Variants in IL1R1 observed in about 807,000 individuals in gnomAD.
IL1R1 encodes interleukin 1 receptor type 1.
In IL1R1, 22 loss-of-function variants were observed where a neutral mutation model predicts 50.2. The ratio of observed to expected loss-of-function variants is 0.44; its 90% CI spans 0.31 to 0.63. The LOEUF (loss-of-function observed/expected upper bound fraction) is 0.63, where lower values mean the gene tolerates loss of function less well. Among genes scored for constraint, IL1R1 ranks in the 20% least tolerant of loss-of-function variants. IL1R1 has a pLI of 0.07. For synonymous variants in IL1R1, 251 were observed against 236.7 expected (o/e 1.06, Z -0.55); for missense variants, 509 against 676.2 (o/e 0.75, Z 2.74).
At chr2:102,169,934 AGTACC>A (rs1447031121) in intron 7 of IL1R1, among the ~76,000 whole-genome samples, 1 of 152,226 alleles carries the variant, frequency 6.6e-6, no homozygotes, top group East Asian at 1.9e-4. Context: ...GGCCCTTTGG[AGTACC>A]ACAAACCATG....
intron 1 of IL1R1, among the ~76,000 whole-genome samples, chr2:102,132,069 A>G (rs1487579485): frequency 2.0e-5 from 3 of 152,190 alleles, no homozygotes; most frequent in East Asian, 1.9e-4. Context: ...AAAATTGTCA[A>G]CCAAGAATTT....
At chr2:102,171,993 T>G (rs1685715024) in intron 8 of IL1R1, 75 bp downstream of exon 8, 2 of 651,052 alleles carry the variant, frequency 3.1e-6, no homozygotes, top group Non-Finnish European at 4.7e-6. Flanking sequence ...GTCGGTTCAG[T>G]TTAAAAGCAA....
At position 102,176,582 on chromosome 2, in the gene IL1R1, G is replaced by A. The variant is rs1163711761; in HGVS notation, c.1533G>A (p.Gly511=). ...ESIKFIKQKH[G]AIRWSGDFTQ... ...TTAAATTCATTAAGCAGAAACATGG[G>A]GCTATCCGCTGGTCAGGGGACTTTA... Residue 511 remains glycine, a synonymous_variant, in exon 12 of 12, where the codon GGG becomes GGA. Coordinates refer to ENST00000410023, the MANE Select transcript of IL1R1 (RefSeq NM_000877.4). 4.3e-6 allele frequency: 7 copies of A among 1,614,126 alleles called. No homozygotes were observed. Among genetic ancestry groups the A allele is most frequent in the Non-Finnish European group, 5.9e-6 (7 of 1,180,022 alleles).
Position 102,175,493 on chromosome 2 carries a change from C to G in IL1R1, c.1151C>G (p.Thr384Ser). 6.2e-7 allele frequency: 1 copy of G among 1,613,250 alleles called. No homozygotes were observed. The highest frequency in any genetic ancestry group is 8.5e-7 in the Non-Finnish European group (1 of 1,179,224). The change falls in exon 11 of 12, where the codon ACC (threonine) becomes AGC (serine). Residue 384 changes from threonine to serine, a missense_variant. Coordinates refer to ENST00000410023, the MANE Select transcript of IL1R1 (RefSeq NM_000877.4). ...FLPIKASDGKTYDAYILYPKT... is the reference protein window; with the variant it reads ...FLPIKASDGKSYDAYILYPKT... ...TTTCCTTTAGCTTCAGATGGAAAGA[C>G]CTATGACGCATATATACTGTATCCA...
intron 1 of IL1R1, among the ~76,000 whole-genome samples, chr2:102,082,091 AG>A (rs1244526319): frequency 3.3e-5 from 5 of 152,294 alleles, no homozygotes; most frequent in African/African-American, 1.2e-4. Context: ...ATTCACTTCC[AG>A]GTTTTCTTCA....
At chr2:102,121,081 G>C (rs1027406067) in intron 1 of IL1R1, among the ~76,000 whole-genome samples, 3 of 152,126 alleles carry the variant, frequency 2.0e-5, no homozygotes, top group Non-Finnish European at 4.4e-5. Context: ...TGTCATCATG[G>C]AGCTGGCCCC....
At chr2:102,133,771 G>A (rs771977770) in intron 1 of IL1R1, among the ~76,000 whole-genome samples, 3 of 152,144 alleles carry the variant, frequency 2.0e-5, no homozygotes, top group Non-Finnish European at 2.9e-5. Context: ...AATCCAATAA[G>A]GGATGTGTAC....
chr2:102,089,707 G>A (rs1577815890), intron 1 of IL1R1, among the ~76,000 whole-genome samples: 1 of 152,246 alleles, frequency 6.6e-6, no homozygotes, highest in African/African-American at 2.4e-5. Context: ...TTTCTATCAA[G>A]GAGGCAGTTG....
chr2:102,167,609 G>A (rs1429542186), intron 6 of IL1R1, among the ~76,000 whole-genome samples: 10 of 151,872 alleles, frequency 6.6e-5, no homozygotes, highest in Non-Finnish European at 1.5e-4. Context: ...CACCACGCCC[G>A]GCTAATTTTT....
At chr2:102,111,081 A>G (rs2104365999) in intron 1 of IL1R1, among the ~76,000 whole-genome samples, 1 of 146,338 alleles carries the variant, frequency 6.8e-6, no homozygotes, top group South Asian at 2.1e-4. Flanking sequence ...AGTGGAAGGG[A>G]GGCCAAGGTG....
At chr2:102,148,542 C>T (rs1032971743) in intron 1 of IL1R1, among the ~76,000 whole-genome samples, 2 of 152,310 alleles carry the variant, frequency 1.3e-5, no homozygotes, top group East Asian at 1.9e-4. Context: ...TGTCTTAGAT[C>T]GTGGAGATTT....
chr2:102,156,764 T>C (rs1001942477), intron 2 of IL1R1, among the ~76,000 whole-genome samples: 5 of 152,152 alleles, frequency 3.3e-5, no homozygotes, highest in African/African-American at 1.2e-4. Flanking sequence ...CTGCCTGCCT[T>C]GGGCTCCCAA....
chr2:102,114,793 T>TA (rs574406177), intron 1 of IL1R1, among the ~76,000 whole-genome samples: 1 of 151,544 alleles, frequency 6.6e-6, no homozygotes, highest in African/African-American at 2.4e-5. Context: ...CATAGGAAGG[T>TA]AAAAAATGCT....
At chr2:102,073,395 G>T (rs116153682) in intron 1 of IL1R1, among the ~76,000 whole-genome samples, 1,812 of 152,226 alleles carry the variant, frequency 0.012, 30 homozygotes, top group Non-Finnish European at 0.02. Flanking sequence ...GAAAAGCTGG[G>T]GTGGAAAGAG....
intron 1 of IL1R1, among the ~76,000 whole-genome samples, chr2:102,123,343 C>T (rs1427039799): frequency 2.0e-5 from 3 of 151,934 alleles, no homozygotes; most frequent in African/African-American, 7.3e-5. Context: ...ATACATTTAG[C>T]TTTTTTTTGG....
chr2:102,126,052 A>G (rs749826998), intron 1 of IL1R1, among the ~76,000 whole-genome samples: 2 of 152,250 alleles, frequency 1.3e-5, no homozygotes, highest in Non-Finnish European at 2.9e-5. Context: ...CTTAACTTCA[A>G]CAGCCTTATA....
In IL1R1 at chr2:102,176,920, C is replaced by T. The variant is rs199520494; in HGVS notation, c.*161C>T. On this transcript the variant is annotated 3_prime_UTR_variant, in exon 12 of 12. Coordinates refer to ENST00000410023, the MANE Select transcript of IL1R1 (RefSeq NM_000877.4). ...AGATTATTAAGGGAATAAGCCATGA[C>T]GTCAATAGCAGCCCAGGGCACTTCA... 1.1e-5 allele frequency: 8 copies of T among 699,752 alleles called. No homozygotes were observed. The highest frequency in any genetic ancestry group is 1.7e-5 in the Non-Finnish European group (7 of 421,172). 43.3% of individuals were successfully genotyped at this position (699,752 alleles called of 1,614,324 possible).
chr2:102,076,628 T>C (rs1292973017), intron 1 of IL1R1, among the ~76,000 whole-genome samples: 1 of 152,240 alleles, frequency 6.6e-6, no homozygotes, highest in African/African-American at 2.4e-5. Flanking sequence ...TTTAAAGATA[T>C]TGATCTAGGG....
At chr2:102,084,450 C>T (rs990352632) in intron 1 of IL1R1, among the ~76,000 whole-genome samples, 3 of 152,156 alleles carry the variant, frequency 2.0e-5, no homozygotes, top group Admixed American at 1.3e-4. Context: ...GAGAAATTAT[C>T]CCCAAAGATG....
Sources: gnomAD v4.1 joint callset for allele counts (sites outside exome capture counted in the v4.1 genomes callset) on GRCh38, gnomAD v4.1.1 for gene constraint, MANE v1.5 for transcripts, NCBI Gene and HGNC (gene_info 2026-07-23, HGNC 2026-07-21) for gene names.